NAV2: variants seen among roughly 807,000 people sequenced by gnomAD.
NAV2 encodes helicase, APC down-regulated 1.
NAV2 carries 54 observed loss-of-function variants against 223.2 expected under a neutral mutation model. The ratio of observed to expected loss-of-function variants is 0.24; its 90% CI spans 0.19 to 0.30. NAV2 has a LOEUF of 0.30. Among genes scored for constraint, NAV2 ranks in the 10% least tolerant of loss-of-function variants. The pLI, the probability that NAV2 is intolerant of heterozygous loss-of-function variation, is 1.00. For missense variants in NAV2, 2,806 were observed against 3,147.5 expected (o/e 0.89, Z 2.60); for synonymous variants, 1,279 against 1,239.3 (o/e 1.03, Z -0.67).
chr11:19,676,956 G>A (rs2048731446), intron 1 of NAV2, among the ~76,000 whole-genome samples: 1 of 152,212 alleles, frequency 6.6e-6, no homozygotes, highest in Non-Finnish European at 1.5e-5. Context: ...AGTACCATGT[G>A]ATTGTGTGTG....
upstream of NAV2, among the ~76,000 whole-genome samples, chr11:19,349,874 C>T (rs1014678310): frequency 2.0e-5 from 3 of 152,146 alleles, no homozygotes; most frequent in Admixed American, 6.5e-5. Context: ...GCTCTATCTG[C>T]AGATTCCCAG....
Position 19,645,821 on chromosome 11 carries a change from G to A in NAV2, c.76-186663G>A, listed in dbSNP as rs150145305. On this transcript the variant is annotated intron_variant, in intron 1 of 37. Coordinates refer to the NAV2 transcript ENST00000360655. ...CCAACCTAATAATTATCACCACAAC[G>A]CTGGTTGGATGAGGTGGAAACTAGT... is the stretch of plus-strand genomic sequence containing the variant. Among the ~76,000 whole-genome samples the A allele has an allele frequency of 1.1e-4, 16 of 152,130 alleles. No individual in the cohort carries two copies. The East Asian group carries it at 1.6e-3, about 15-fold the overall frequency.
intron 11 of NAV2, among the ~76,000 whole-genome samples, chr11:20,006,951 TTTC>T (rs1158710121): frequency 6.6e-6 from 1 of 151,984 alleles, no homozygotes; most frequent in Non-Finnish European, 1.5e-5. Context: ...TAAAGATCAT[TTTC>T]TTCTTTTTTT....
chr11:19,902,962 A>G (rs1190905426), intron 6 of NAV2, among the ~76,000 whole-genome samples: 3 of 152,238 alleles, frequency 2.0e-5, no homozygotes, highest in Admixed American at 6.5e-5. Flanking sequence ...GACCCTGAAC[A>G]GTAAAGCCTG....
intron 1 of NAV2, among the ~76,000 whole-genome samples, chr11:19,531,743 G>A (rs2044033064): frequency 6.6e-6 from 1 of 152,204 alleles, no homozygotes; most frequent in Non-Finnish European, 1.5e-5. Context: ...TGGAATTCAA[G>A]GGTGTGTTCT....
At chr11:19,626,668 T>C (rs1251414411) in intron 1 of NAV2, among the ~76,000 whole-genome samples, 2 of 152,140 alleles carry the variant, frequency 1.3e-5, no homozygotes, top group Non-Finnish European at 2.9e-5. Flanking sequence ...GAGTATGGGA[T>C]GTCTTTCCAG....
intron 1 of NAV2, among the ~76,000 whole-genome samples, chr11:19,764,046 G>C (rs994992011): frequency 6.6e-6 from 1 of 152,172 alleles, no homozygotes; most frequent in Admixed American, 6.5e-5. Context: ...GTAGTGCTCT[G>C]TAATTACATT....
chr11:19,953,350 G>A (rs980928091), intron 10 of NAV2, among the ~76,000 whole-genome samples: 4 of 152,010 alleles, frequency 2.6e-5, no homozygotes, highest in Admixed American at 6.6e-5. Flanking sequence ...ATCTGCCTTC[G>A]CTGACTTGCC....
chr11:19,994,750 G>A (rs927934189), intron 11 of NAV2, among the ~76,000 whole-genome samples: 2 of 152,136 alleles, frequency 1.3e-5, no homozygotes, highest in African/African-American at 2.4e-5. Flanking sequence ...GTAGTGAACC[G>A]ATGTTTCTAT....
At position 19,842,932 on chromosome 11, in the gene NAV2, T is replaced by A. The variant is rs764727529; in HGVS notation, c.438+9T>A. The A allele has an allele frequency of 6.2e-7, 1 of 1,612,956 alleles. No individual in the cohort carries two copies. The highest frequency in any genetic ancestry group is 1.1e-5 in the South Asian group (1 of 90,932). The stretch of plus-strand genomic sequence containing the variant: ...AGAACAGATCCCAAATGGTAAGTGG[T>A]GCATAGGTAGTAAATGTTTGAGTTC... On this transcript the variant is annotated intron_variant, in intron 3 of 37. Transcript: ENST00000349880.
chr11:19,936,471 G>A (rs2045915571), intron 7 of NAV2, among the ~76,000 whole-genome samples: 1 of 152,148 alleles, frequency 6.6e-6, no homozygotes, highest in East Asian at 1.9e-4. Context: ...GGAGGAAGAG[G>A]AAAACGTCTA....
At chr11:19,628,939 C>A (rs79685716) in intron 1 of NAV2, among the ~76,000 whole-genome samples, 7 of 152,126 alleles carry the variant, frequency 4.6e-5, no homozygotes, top group Non-Finnish European at 8.8e-5. Context: ...CATTTGCCAC[C>A]CTGACCTTGC....
chr11:19,705,052 C>T (rs932350927), intron 1 of NAV2, among the ~76,000 whole-genome samples: 2 of 148,118 alleles, frequency 1.4e-5, no homozygotes, highest in African/African-American at 2.5e-5. Context: ...TTTTAAATAT[C>T]AATTTGAAAC....
In NAV2 at chr11:19,935,851, G is replaced by GTTTTTTTTTTTTTTTTTTTTTTTTTTTT. The variant is rs765632685; in HGVS notation, c.2033+1598_2033+1599insTTTTTTTTTTTTTTTTTTTTTTTTTTTT. Among the ~76,000 whole-genome samples the GTTTTTTTTTTTTTTTTTTTTTTTTTTTT allele has an allele frequency of 2.5e-4, 13 of 52,704 alleles. 2 individuals carry two copies. Among genetic ancestry groups the GTTTTTTTTTTTTTTTTTTTTTTTTTTTT allele is most frequent in the Admixed American group, 8.4e-4 (3 of 3,590 alleles). 34.6% of individuals were successfully genotyped at this position (52,704 alleles called of 152,430 possible). ...ACGGCTTTTGTTTTGTTTTGTTTCTGTTTTTTTTTTTTTTTTTTTTTTTTG... is the reference window on the plus strand; with the variant it reads ...ACGGCTTTTGTTTTGTTTTGTTTCTGTTTTTTTTTTTTTTTTTTTTTTTTTTTTTTTTTTTTTTTTTTTTTTTTTTTTG... On this transcript the variant is annotated intron_variant, in intron 7 of 37. Coordinates refer to ENST00000349880, the MANE Select transcript of NAV2 (RefSeq NM_145117.5).
At chr11:19,946,314 TG>T in intron 8 of NAV2, 86 bp from the exon 9 acceptor site, 1 of 1,173,820 alleles carries the variant, frequency 8.5e-7, no homozygotes, top group Non-Finnish European at 1.2e-6. Context: ...GCATGGAATA[TG>T]GTTATGGTCA....
chr11:19,566,441 C>G (rs1267425200), intron 1 of NAV2, among the ~76,000 whole-genome samples: 1 of 152,202 alleles, frequency 6.6e-6, no homozygotes, highest in Non-Finnish European at 1.5e-5. Context: ...TTGTAAAGAT[C>G]TCTCTGAGTC....
intron 1 of NAV2, among the ~76,000 whole-genome samples, chr11:19,646,389 C>T (rs2047817637): frequency 6.6e-6 from 1 of 152,222 alleles, no homozygotes; most frequent in Admixed American, 6.5e-5. Context: ...CTTAACTGCA[C>T]ATCAGGCCTG....
chr11:19,476,750 C>T (rs887335927), intron 1 of NAV2, among the ~76,000 whole-genome samples: 1 of 152,192 alleles, frequency 6.6e-6, no homozygotes, highest in African/African-American at 2.4e-5. Context: ...TTTCATGGAG[C>T]CTCTTGGGAC....
In NAV2 at chr11:20,045,094, G is replaced by A; in HGVS notation, c.3326G>A (p.Ser1109Asn). ...GAATCCAAAAAGCCCCTCCCCAGCA[G>A]CTCTAGGACACCTACTGCCAATGCC... Reference protein sequence around the residue: ...GDESKKPLPSSSRTPTANANS... With the variant: ...GDESKKPLPSNSRTPTANANS... Residue 1109 changes from serine to asparagine, a missense_variant, in exon 14 of 38, where the codon AGC becomes AAC. Ser to Asn is a conservative substitution (Grantham distance 46). Around this residue, in one of 4 missense-constraint regions of NAV2, gnomAD observed 742 missense variants for 777.9 expected, o/e 0.95. Coordinates refer to ENST00000349880, the MANE Select transcript of NAV2 (RefSeq NM_145117.5). 1.2e-6 allele frequency: 2 copies of A among 1,614,184 alleles called. No individual in the cohort carries two copies. The highest frequency in any genetic ancestry group is 1.7e-6 in the Non-Finnish European group (2 of 1,180,030).
Sources: gnomAD v4.1 joint callset for allele counts (sites outside exome capture counted in the v4.1 genomes callset) on GRCh38, gnomAD v4.1.1 for gene constraint, gnomAD v4.1.1 regional missense constraint, MANE v1.5 for transcripts, NCBI Gene and HGNC (gene_info 2026-07-23, HGNC 2026-07-21) for gene names.